C1orf87: variants seen among roughly 807,000 people sequenced by gnomAD.
The protein encoded by C1orf87 is uncharacterized protein C1orf87.
Under a neutral mutation model 60.5 loss-of-function variants are expected in C1orf87, and 58 were observed. The observed-to-expected ratio is 0.96, with a 90% CI of 0.78 to 1.19. The LOEUF is 1.19. Among genes scored for constraint, C1orf87 ranks in the 50% most tolerant of loss-of-function variants. The probability of loss-of-function intolerance (pLI) is 0.00; values close to 1 mark genes in which losing one functional copy is unlikely to be tolerated. For missense variants in C1orf87, 673 were observed against 638.6 expected (o/e 1.05, Z -0.58); for synonymous variants, 236 against 227.4 (o/e 1.04, Z -0.34).
chr1:60,019,267 C>T (rs1645145557), intron 8 of C1orf87, among the ~76,000 whole-genome samples: 1 of 152,166 alleles, frequency 6.6e-6, no homozygotes, highest in African/African-American at 2.4e-5. Context: ...CTGTCTCTTC[C>T]TCTCTCCTGC....
At chr1:60,027,982 A>G (rs942636338) in intron 7 of C1orf87, among the ~76,000 whole-genome samples, 2 of 152,136 alleles carry the variant, frequency 1.3e-5, no homozygotes, top group African/African-American at 2.4e-5. Flanking sequence ...GGTATCATTC[A>G]TTTTCTTATC....
Position 59,994,645 on chromosome 1 carries a change from A to T in C1orf87, c.1480+2964T>A, listed in dbSNP as rs145049758. The stretch of plus-strand genomic sequence containing the variant: ...AACCACTGTTTTTTTTTCTTTAGAA[A>T]ACATGACTAGTTATTCATAATCATT... On this transcript the variant is annotated intron_variant, in intron 11 of 11. Coordinates refer to ENST00000371201, the MANE Select transcript of C1orf87 (RefSeq NM_152377.3). Among the ~76,000 whole-genome samples the T allele has an allele frequency of 6.9e-3, 1,048 of 152,284 alleles. 21 individuals carry two copies. The highest frequency in any genetic ancestry group is 0.024 in the African/African-American group (991 of 41,562).
intron 10 of C1orf87, among the ~76,000 whole-genome samples, chr1:60,000,632 C>T (rs1244625512): frequency 6.6e-6 from 1 of 151,932 alleles, no homozygotes; most frequent in African/African-American, 2.4e-5. Flanking sequence ...TTTCTTTCTT[C>T]TTTTTAATCA....
intron 4 of C1orf87, among the ~76,000 whole-genome samples, chr1:60,040,635 G>A (rs1645315885): frequency 6.6e-6 from 1 of 152,174 alleles, no homozygotes; most frequent in Non-Finnish European, 1.5e-5. Flanking sequence ...GGTGCGAGGA[G>A]CATGAGGAGT....
intron 6 of C1orf87, among the ~76,000 whole-genome samples, chr1:60,036,082 A>C (rs547235020): frequency 1.3e-5 from 2 of 152,306 alleles, no homozygotes; most frequent in South Asian, 2.1e-4. Flanking sequence ...TTGGTTAAAA[A>C]TTTCTAGGGC....
At chr1:60,043,283 T>C (rs1645339994) in intron 3 of C1orf87, among the ~76,000 whole-genome samples, 1 of 152,314 alleles carries the variant, frequency 6.6e-6, no homozygotes, top group South Asian at 2.1e-4. Flanking sequence ...TAGAGCAGAC[T>C]TGTCCAAAAC....
chr1:60,035,800 A>T (rs541625736), intron 6 of C1orf87, among the ~76,000 whole-genome samples: 16 of 152,362 alleles, frequency 1.1e-4, no homozygotes, highest in Admixed American at 2.0e-4. Context: ...ACTATGTTAG[A>T]ACTATGCTAG....
chr1:60,019,200 T>C (rs1645144714), intron 8 of C1orf87, among the ~76,000 whole-genome samples: 1 of 152,192 alleles, frequency 6.6e-6, no homozygotes, highest in Non-Finnish European at 1.5e-5. Flanking sequence ...CCTCATGCTG[T>C]TCTCATGATA....
chr1:60,019,304 G>C (rs1280370934), intron 8 of C1orf87, among the ~76,000 whole-genome samples: 6 of 152,174 alleles, frequency 3.9e-5, no homozygotes, highest in African/African-American at 1.2e-4. Context: ...ATGCTTGCTT[G>C]CCCTTTACCT....
chr1:60,041,781 C>T (rs1433586980), intron 3 of C1orf87, among the ~76,000 whole-genome samples: 1 of 152,176 alleles, frequency 6.6e-6, no homozygotes, highest in Non-Finnish European at 1.5e-5. Flanking sequence ...AACAACTGGC[C>T]TGCTAATACA....
intron 2 of C1orf87, among the ~76,000 whole-genome samples, chr1:60,064,724 T>A (rs1255384031): frequency 2.1e-5 from 2 of 96,388 alleles, no homozygotes; most frequent in African/African-American, 8.4e-5. Flanking sequence ...ATAAATATAT[T>A]TAAATATATT....
At chr1:60,041,508 C>A (rs1377092671) in intron 3 of C1orf87, among the ~76,000 whole-genome samples, 1 of 151,926 alleles carries the variant, frequency 6.6e-6, no homozygotes, top group African/African-American at 2.4e-5. Flanking sequence ...GGAAGGGCAG[C>A]AAAGGTAATT....
chr1:60,042,422 A>G (rs934692405), intron 3 of C1orf87, among the ~76,000 whole-genome samples: 4 of 152,146 alleles, frequency 2.6e-5, no homozygotes, highest in African/African-American at 9.7e-5. Context: ...GATTCTCTAT[A>G]AACTACTAAA....
chr1:60,021,952 C>T (rs1371050687), intron 8 of C1orf87, among the ~76,000 whole-genome samples: 1 of 151,930 alleles, frequency 6.6e-6, no homozygotes, highest in African/African-American at 2.4e-5. Flanking sequence ...GAAGAGCTTT[C>T]AAGGTAGAGG....
At chr1:60,064,288 T>TATATATA (rs901502885) in intron 2 of C1orf87, among the ~76,000 whole-genome samples, 15 of 117,892 alleles carry the variant, frequency 1.3e-4, no homozygotes, top group Non-Finnish European at 1.0e-4. Context: ...AATTATATAT[T>TATATATA]ATATATATAT....
intron 9 of C1orf87, among the ~76,000 whole-genome samples, chr1:60,005,508 G>A (rs924682620): frequency 5.9e-5 from 9 of 152,066 alleles, no homozygotes; most frequent in African/African-American, 2.2e-4. Context: ...ATTCATCAAT[G>A]ACCTCTTTAA....
intron 8 of C1orf87, among the ~76,000 whole-genome samples, chr1:60,018,818 T>C (rs545415650): frequency 6.6e-6 from 1 of 152,252 alleles, no homozygotes; most frequent in East Asian, 1.9e-4. Context: ...GTTCATCGAT[T>C]GATGTGGCTC....
Position 60,058,969 on chromosome 1 carries a change from C to G in C1orf87, c.108-3531G>C, listed in dbSNP as rs1645475764. 2.0e-5 allele frequency among the ~76,000 whole-genome samples: 3 copies of G among 152,234 alleles called. No individual in the cohort carries two copies. The Middle Eastern group carries it at 0.01, about 518-fold the overall frequency. Reference sequence around the variant, plus strand: ...TTTGAAATCCTTTTGTGGGCAGTGTCAGGACAGAATTGCTTGAGAAATGTA... The same window carrying G: ...TTTGAAATCCTTTTGTGGGCAGTGTGAGGACAGAATTGCTTGAGAAATGTA... On this transcript the variant is annotated intron_variant, in intron 2 of 11. Coordinates refer to ENST00000371201, the MANE Select transcript of C1orf87 (RefSeq NM_152377.3).
At chr1:60,039,486 A>G (rs980580543) in intron 5 of C1orf87, among the ~76,000 whole-genome samples, 1 of 152,172 alleles carries the variant, frequency 6.6e-6, no homozygotes, top group Non-Finnish European at 1.5e-5. Context: ...TCTGGGCCTC[A>G]TTTCCTTAAT....
Sources: allele counts gnomAD v4.1 joint callset (sites outside exome capture counted in the v4.1 genomes callset), GRCh38; gene constraint gnomAD v4.1.1; transcripts MANE v1.5; gene names NCBI Gene and HGNC (gene_info 2026-07-23, HGNC 2026-07-21).